CASD1: variants seen among roughly 807,000 people sequenced by gnomAD.
The protein encoded by CASD1 is CAS1 domain sialic acid O acetyltransferase 1, also known as N-acetylneuraminate (7)9-O-acetyltransferase.
Under a neutral mutation model 100.0 loss-of-function variants are expected in CASD1, and 41 were observed. The ratio of observed to expected loss-of-function variants is 0.41; its 90% CI spans 0.32 to 0.53. The LOEUF (loss-of-function observed/expected upper bound fraction) is 0.53, where lower values mean the gene tolerates loss of function less well. CASD1 is among the 20% of genes least tolerant of loss of function. The probability of loss-of-function intolerance (pLI) is 0.25; values close to 1 mark genes in which losing one functional copy is unlikely to be tolerated. For synonymous variants in CASD1, 321 were observed against 315.6 expected (o/e 1.02, Z -0.18); for missense variants, 774 against 948.7 (o/e 0.82, Z 2.42).
chr7:94,619,198 C>A, the CASD1 span: 11 of 407,292 alleles, frequency 2.7e-5, no homozygotes, highest in East Asian at 4.5e-5. Context: ...CTCATCAGGG[C>A]AATTTATAGT....
chr7:94,522,063 G>A (rs954689365), intron 3 of CASD1, among the ~76,000 whole-genome samples: 6 of 152,228 alleles, frequency 3.9e-5, no homozygotes, highest in Middle Eastern at 3.4e-3. Context: ...CAGCCTGGGC[G>A]ACAGAGTGAG....
chr7:94,595,021 G>A, the CASD1 span, among the ~76,000 whole-genome samples: 127 of 152,188 alleles, frequency 8.3e-4, no homozygotes, highest in African/African-American at 2.7e-3. Context: ...GTCAATGACC[G>A]ACACTATCTA....
chr7:94,528,978 T>G (rs956929420), intron 5 of CASD1, among the ~76,000 whole-genome samples: 2 of 152,146 alleles, frequency 1.3e-5, no homozygotes, highest in African/African-American at 4.8e-5. Context: ...AATAAATATT[T>G]AGTATTGCAA....
At chr7:94,602,208 C>T in the CASD1 span, among the ~76,000 whole-genome samples, 4 of 152,106 alleles carry the variant, frequency 2.6e-5, no homozygotes, top group South Asian at 4.1e-4. Context: ...ACCCTTGTAT[C>T]GTTAGCACCA....
rs766128729 is a variant in CASD1 at position 94,537,657 on chromosome 7, G to T, written c.1029G>T (p.Pro343=). The T allele has an allele frequency of 1.2e-6, 2 of 1,613,644 alleles. No individual in the cohort carries two copies. Among genetic ancestry groups the T allele is most frequent in the Non-Finnish European group, 8.5e-7 (1 of 1,179,760 alleles). ...GTAATGCTCATCGGAAGAATAAGCC[G>T]TGTACTGATTTGGAAAGTGGAGAGG... ...IHRNAHRKNK[P]CTDLESGEEK... The change falls in exon 9 of 18, where the codon CCG becomes CCT. Residue 343 remains proline, a synonymous_variant. Coordinates refer to ENST00000297273, the MANE Select transcript of CASD1 (RefSeq NM_022900.5).
At chr7:94,535,053 A>G (rs1026565095) in intron 7 of CASD1, among the ~76,000 whole-genome samples, 15 of 152,190 alleles carry the variant, frequency 9.9e-5, no homozygotes, top group African/African-American at 3.6e-4. Flanking sequence ...TATTTCCGCA[A>G]ATCTGTGTAC....
At chr7:94,568,548 CTTATA>C in the CASD1 span, among the ~76,000 whole-genome samples, 94 of 152,118 alleles carry the variant, frequency 6.2e-4, no homozygotes, top group Admixed American at 3.0e-3. Flanking sequence ...GCATTTGTAT[CTTATA>C]TTATAGACAA....
intron 5 of CASD1, 72 bp from the exon 6 acceptor site, chr7:94,533,133 A>T (rs1794931520): frequency 1.8e-6 from 2 of 1,098,390 alleles, no homozygotes; most frequent in East Asian, 4.9e-5. Context: ...AAGGAAAAAA[A>T]TTAAATGATG....
intron 1 of CASD1, among the ~76,000 whole-genome samples, chr7:94,513,735 C>G (rs898051772): frequency 3.3e-5 from 5 of 152,142 alleles, no homozygotes; most frequent in Admixed American, 3.3e-4. Flanking sequence ...ATCATCAGAG[C>G]CTAACACACA....
At position 94,549,572 on chromosome 7, in the gene CASD1, A is replaced by T. The variant is rs1795847133; in HGVS notation, c.1753A>T (p.Lys585Ter). 6.2e-7 allele frequency: 1 copy of T among 1,611,456 alleles called. No homozygotes were observed. The highest frequency in any genetic ancestry group is 1.3e-5 in the African/African-American group (1 of 74,706). The change falls in exon 14 of 18, where the codon AAG becomes TAG. Residue 585 changes from lysine (K) to a stop codon, truncating the protein, a stop_gained. Transcript: ENST00000297273. LOFTEE classifies it high-confidence loss of function. ...GATCTTTTCTCTTTGGCCATTGTCCAAGTGTTTTGAACTGAAAGGGAATGT... is the reference window on the plus strand; with the variant it reads ...GATCTTTTCTCTTTGGCCATTGTCCTAGTGTTTTGAACTGAAAGGGAATGT... ...EKIFSLWPLS[K>*]CFELKGNVYE...
intron 1 of CASD1, among the ~76,000 whole-genome samples, chr7:94,515,211 C>A (rs973742581): frequency 2.0e-5 from 3 of 152,046 alleles, no homozygotes; most frequent in Non-Finnish European, 1.5e-5. Flanking sequence ...TGGACCCTAG[C>A]TGATATGATA....
chr7:94,598,654 T>C, the CASD1 span: 3 of 796,936 alleles, frequency 3.8e-6, no homozygotes, highest in Non-Finnish European at 6.7e-6. Flanking sequence ...ACAATGTCCT[T>C]TTGTTATTTT....
At chr7:94,565,185 G>C in the CASD1 span, among the ~76,000 whole-genome samples, 5 of 151,976 alleles carry the variant, frequency 3.3e-5, no homozygotes, top group African/African-American at 1.2e-4. Flanking sequence ...ACACTTATGT[G>C]CCACTACCTG....
At chr7:94,626,642 T>C in the CASD1 span, 1 of 151,944 alleles carries the variant, frequency 6.6e-6, no homozygotes, top group Non-Finnish European at 1.5e-5. Context: ...TCATTGATGG[T>C]TTCCATTTCT....
chr7:94,573,196 TTGGCTA>T, the CASD1 span, among the ~76,000 whole-genome samples: 1 of 152,242 alleles, frequency 6.6e-6, no homozygotes, highest in South Asian at 2.1e-4. Flanking sequence ...TAGGACTGCT[TTGGCTA>T]TTCAGGCTCT....
intron 3 of CASD1, chr7:94,524,338 T>C (rs1794438096): frequency 6.6e-6 from 1 of 151,912 alleles, no homozygotes; most frequent in African/African-American, 2.4e-5. Flanking sequence ...TCAAGAAATA[T>C]CAGAAACTGC....
At chr7:94,514,242 T>C (rs975984829) in intron 1 of CASD1, among the ~76,000 whole-genome samples, 2 of 152,112 alleles carry the variant, frequency 1.3e-5, no homozygotes, top group Non-Finnish European at 2.9e-5. Flanking sequence ...CTGGGTCTCT[T>C]AGCCTTTTCT....
intron 11 of CASD1, 37 bp downstream of exon 11, chr7:94,544,567 A>G: frequency 6.3e-7 from 1 of 1,587,968 alleles, no homozygotes. Context: ...CTTCCAGTTG[A>G]ACATACTTTC....
chr7:94,518,100 A>G, intron 2 of CASD1, 103 bp from the exon 3 acceptor site: 3 of 1,101,996 alleles, frequency 2.7e-6, no homozygotes, highest in Non-Finnish European at 3.8e-6. Context: ...ATATAATGGT[A>G]TGTGTAACAA....
Sources: gnomAD v4.1 joint callset for allele counts (sites outside exome capture counted in the v4.1 genomes callset) on GRCh38, gnomAD v4.1.1 for gene constraint, MANE v1.5 for transcripts, NCBI Gene and HGNC (gene_info 2026-07-23, HGNC 2026-07-21) for gene names.